The following DACH1 variants were observed in gnomAD, a reference collection of about 807,000 sequenced individuals.
The protein encoded by DACH1 is dachshund family transcription factor 1.
DACH1 carries 12 observed loss-of-function variants against 54.2 expected under a neutral mutation model. The observed-to-expected ratio is 0.22, with a 90% confidence interval of 0.14 to 0.36. The LOEUF is 0.36. DACH1 is among the 10% of genes least tolerant of loss of function. The pLI, the probability that DACH1 is intolerant of heterozygous loss-of-function variation, is 1.00. For missense variants in DACH1, 805 were observed against 929.8 expected, an observed-to-expected ratio of 0.87 and a Z score of 1.75; for synonymous variants, 386 against 366.2, an observed-to-expected ratio of 1.05 and a Z score of -0.62.
chr13:71,587,441 A>G (rs1873367378), intron 3 of DACH1, among the ~76,000 whole-genome samples: 1 of 152,130 alleles, frequency 6.6e-6, no homozygotes, highest in African/African-American at 2.4e-5. Context: ...ACTAAAATTC[A>G]TGATATAGTT....
chr13:71,667,262 T>C (rs953122597), intron 2 of DACH1, among the ~76,000 whole-genome samples: 10 of 152,130 alleles, frequency 6.6e-5, no homozygotes, highest in Non-Finnish European at 1.5e-5. Context: ...AATCCTGAAA[T>C]TTAAAATATT....
intron 1 of DACH1, among the ~76,000 whole-genome samples, chr13:71,764,823 T>A (rs978882380): frequency 6.6e-6 from 1 of 152,234 alleles, no homozygotes; most frequent in South Asian, 2.1e-4. Context: ...TTCTTAGGCA[T>A]CTTGACAACT....
chr13:71,858,911 C>T (rs1383746210), intron 1 of DACH1, among the ~76,000 whole-genome samples: 2 of 151,658 alleles, frequency 1.3e-5, no homozygotes, highest in East Asian at 3.9e-4. Context: ...CTCTCTCTCT[C>T]TCTCTGTATC....
chr13:71,622,836 A>C (rs1876345873), intron 3 of DACH1, among the ~76,000 whole-genome samples: 1 of 151,834 alleles, frequency 6.6e-6, no homozygotes, highest in Non-Finnish European at 1.5e-5. Flanking sequence ...TGCTTGAATT[A>C]ACAGGTTTAC....
At chr13:71,485,767 G>T (rs1878451895) in intron 7 of DACH1, among the ~76,000 whole-genome samples, 1 of 151,002 alleles carries the variant, frequency 6.6e-6, no homozygotes, top group Non-Finnish European at 1.5e-5. Context: ...ATTTTTAGTA[G>T]AGACAGGGTT....
Position 71,559,808 on chromosome 13 carries a change from T to C in DACH1, c.1435+12A>G. 4 of 1,613,544 alleles carry C rather than the reference T, an allele frequency of 2.5e-6. No homozygotes were observed. Among genetic ancestry groups the C allele is most frequent in the Non-Finnish European group, 3.4e-6 (4 of 1,179,844 alleles). On this transcript the variant is annotated intron_variant, in intron 5 of 10. Coordinates refer to ENST00000613252, the MANE Select transcript of DACH1 (RefSeq NM_080759.6). Reference sequence around the variant, plus strand: ...AGTTTAAAATGGTGACAAGTAGAAGTATGAGACCTACGGATTCTGTCAGAA... The same window carrying C: ...AGTTTAAAATGGTGACAAGTAGAAGCATGAGACCTACGGATTCTGTCAGAA...
intron 4 of DACH1, among the ~76,000 whole-genome samples, chr13:71,570,607 G>T (rs2138409607): frequency 6.6e-6 from 1 of 152,270 alleles, no homozygotes; most frequent in Admixed American, 6.5e-5. Flanking sequence ...ATTTGCAACA[G>T]GAGAAGAAGT....
intron 1 of DACH1, among the ~76,000 whole-genome samples, chr13:71,860,092 G>T (rs1174898682): frequency 6.6e-6 from 1 of 151,502 alleles, no homozygotes; most frequent in Non-Finnish European, 1.5e-5. Flanking sequence ...TAATAGAGAA[G>T]GGTCTCCTTA....
chr13:71,681,076 T>A (rs1566428720), intron 2 of DACH1, among the ~76,000 whole-genome samples: 2 of 151,946 alleles, frequency 1.3e-5, no homozygotes, highest in Admixed American at 6.6e-5. Flanking sequence ...ATCAGCAATA[T>A]TTCAATTTGC....
intron 3 of DACH1, among the ~76,000 whole-genome samples, chr13:71,580,555 TA>T (rs1872761663): frequency 6.6e-6 from 1 of 152,220 alleles, no homozygotes; most frequent in African/African-American, 2.4e-5. Flanking sequence ...AGTTTTCAAT[TA>T]TTTGTGTTGA....
chr13:71,565,322 T>C (rs1884837169), intron 4 of DACH1, among the ~76,000 whole-genome samples: 1 of 152,164 alleles, frequency 6.6e-6, no homozygotes, highest in Non-Finnish European at 1.5e-5. Context: ...ATTAGTTCAA[T>C]GAGTATTTAC....
intron 2 of DACH1, among the ~76,000 whole-genome samples, chr13:71,637,138 T>C (rs373461057): frequency 2.6e-5 from 4 of 152,108 alleles, no homozygotes; most frequent in Non-Finnish European, 5.9e-5. Context: ...CAAAGAGCCA[T>C]GCAAACTTTG....
At chr13:71,797,997 G>A (rs1482550287) in intron 1 of DACH1, among the ~76,000 whole-genome samples, 11 of 152,130 alleles carry the variant, frequency 7.2e-5, no homozygotes, top group East Asian at 1.9e-4. Flanking sequence ...AAGTTGCTCC[G>A]ATTTTTAAAC....
intron 2 of DACH1, among the ~76,000 whole-genome samples, chr13:71,642,708 C>T (rs760748015): frequency 8.6e-5 from 13 of 151,942 alleles, no homozygotes; most frequent in Non-Finnish European, 1.8e-4. Context: ...AGACTGAACT[C>T]CCATGGATTG....
At chr13:71,689,777 G>A (rs192121362) in intron 1 of DACH1, among the ~76,000 whole-genome samples, 2 of 152,268 alleles carry the variant, frequency 1.3e-5, no homozygotes, top group African/African-American at 2.4e-5. Flanking sequence ...TGTATATTAA[G>A]TGTTAAAAAT....
intron 1 of DACH1, among the ~76,000 whole-genome samples, chr13:71,822,618 T>G (rs1301159828): frequency 6.6e-6 from 1 of 152,226 alleles, no homozygotes; most frequent in Non-Finnish European, 1.5e-5. Flanking sequence ...AGCTCTATTT[T>G]AGTTTTGGAA....
rs962112165 is a variant in DACH1, at chr13:71,840,801, A to AT, written c.848+25120dup. Among the ~76,000 whole-genome samples the AT allele has an allele frequency of 6.0e-4, 91 of 152,260 alleles. 1 individual carries two copies. Among genetic ancestry groups the AT allele is most frequent in the Non-Finnish European group, 2.4e-4 (16 of 68,004 alleles). On this transcript the variant is annotated intron_variant, in intron 1 of 10. Coordinates refer to ENST00000613252, the MANE Select transcript of DACH1 (RefSeq NM_080759.6). ...ATCTGAGCAGATAAATTTGATTTCAATTTTTTTATATTCATGTCTTTAAGC... is the reference window on the plus strand; with the variant it reads ...ATCTGAGCAGATAAATTTGATTTCAATTTTTTTTATATTCATGTCTTTAAGC...
At chr13:71,576,072 TA>T (rs75610897) in intron 3 of DACH1, among the ~76,000 whole-genome samples, 31,978 of 150,230 alleles carry the variant, frequency 0.21, 4,395 homozygotes, top group East Asian at 0.45. Flanking sequence ...GCACTATGCT[TA>T]ACACACAAAC....
chr13:71,476,515 T>C (rs1877534285), intron 8 of DACH1, among the ~76,000 whole-genome samples: 1 of 152,178 alleles, frequency 6.6e-6, no homozygotes, highest in Non-Finnish European at 1.5e-5. Flanking sequence ...AGTACTATGA[T>C]ATATTTTAAG....
Sources: allele counts gnomAD v4.1 joint callset (sites outside exome capture counted in the v4.1 genomes callset), GRCh38; gene constraint gnomAD v4.1.1; transcripts MANE v1.5; gene names NCBI Gene and HGNC (gene_info 2026-07-23, HGNC 2026-07-21).